Variants in CALHM6 observed in about 807,000 individuals in gnomAD.
The protein encoded by CALHM6 is calcium homeostasis modulator protein 6.
CALHM6 carries 15 observed loss-of-function variants against 12.7 expected under a neutral mutation model. The ratio of observed to expected loss-of-function variants is 1.18; its 90% CI spans 0.79 to 1.82. CALHM6 has a LOEUF of 1.82. CALHM6 is among the 40% of genes most tolerant of loss of function. The pLI, the probability that CALHM6 is intolerant of heterozygous loss-of-function variation, is 0.00. For missense variants in CALHM6, 434 were observed against 421.0 expected (o/e 1.03, Z -0.27); for synonymous variants, 212 against 193.7 (o/e 1.09, Z -0.78).
At chr6:116,462,970 G>C (rs564958775) in intron 2 of CALHM6, among the ~76,000 whole-genome samples, 221 of 152,284 alleles carry the variant, frequency 1.5e-3, no homozygotes, top group Admixed American at 3.1e-3. Context: ...AAGCTCAGAG[G>C]TTCTTTAAAA....
rs1784781358 is a variant in CALHM6, at chr6:116,462,050, T to C, written c.121T>C (p.Cys41Arg). The C allele has an allele frequency of 1.3e-6, 2 of 1,548,230 alleles. No homozygotes were observed. Among genetic ancestry groups the C allele is most frequent in the Non-Finnish European group, 8.7e-7 (1 of 1,146,402 alleles). Residue 41 changes from cysteine (C) to arginine (R), a missense_variant, in exon 2 of 3, where the codon TGC (cysteine) becomes CGC (arginine). Transcript: ENST00000368605. ...ERIFSAVAFQCPCSAAWNLPY... is the reference protein window; with the variant it reads ...ERIFSAVAFQRPCSAAWNLPY... Reference sequence around the variant, plus strand: ...CATCTTCTCCGCCGTGGCATTCCAGTGCCCGTGCAGCGCCGCCTGGAACCT... The same window carrying C: ...CATCTTCTCCGCCGTGGCATTCCAGCGCCCGTGCAGCGCCGCCTGGAACCT...
intron 1 of CALHM6, 95 bp downstream of exon 1, chr6:116,461,524 G>A (rs1784768381): frequency 1.0e-5 from 13 of 1,250,050 alleles, no homozygotes; most frequent in Middle Eastern, 1.8e-4. Flanking sequence ...GTATTTCCCA[G>A]TTTTTCCAAC....
In CALHM6 at chr6:116,462,416, GTGCAGGACCTCC is replaced by G; in HGVS notation, c.490_501del (p.Gln164_Leu167del). 6.7e-7 allele frequency: 1 copy of G among 1,500,754 alleles called. No individual in the cohort carries two copies. Among genetic ancestry groups the G allele is most frequent in the Non-Finnish European group, 8.9e-7 (1 of 1,125,780 alleles). The allele number at this position is 1,500,754 out of a possible 1,614,324, so 93.0% of individuals were successfully genotyped here. A position where few individuals can be genotyped will look rare whatever the true frequency, so the allele number is the denominator to read the frequency against. Reference sequence around the variant, plus strand: ...GTGCAACCAGGCCAAGGCGTCGGACGTGCAGGACCTCCTGAAGGATCTGAAGGCTCAGTCGCA... The same window carrying G: ...GTGCAACCAGGCCAAGGCGTCGGACGTGAAGGATCTGAAGGCTCAGTCGCA... On this transcript the variant is annotated inframe_deletion, in exon 2 of 3. Transcript: ENST00000368605.
intron 2 of CALHM6, 105 bp downstream of exon 2, chr6:116,462,559 T>G: frequency 1.5e-6 from 1 of 677,610 alleles, no homozygotes. Flanking sequence ...AGATATACAG[T>G]ACCCTAAGAA....
chr6:116,461,791 T>TAA (rs1562326003), intron 1 of CALHM6, 81 bp from the exon 2 acceptor site: 173 of 540,732 alleles, frequency 3.2e-4, no homozygotes, highest in Non-Finnish European at 4.0e-4. Context: ...CCTCTTCCCT[T>TAA]TAAAAAAAAA....
At position 116,463,285 on chromosome 6, in the gene CALHM6, G is replaced by A. The variant is rs1198612052; in HGVS notation, c.528G>A (p.Val176=). 1 of 1,608,846 alleles carries A rather than the reference G, an allele frequency of 6.2e-7. No homozygotes were observed. The highest frequency in any genetic ancestry group is 1.3e-5 in the African/African-American group (1 of 74,684). ...LLKDLKAQSQ[V]LGWILIAVVI... ...CTATTTTGTTGTGTTTTCTTAAGGT[G>A]TTGGGCTGGATCTTGATAGCAGTTG... is the stretch of plus-strand genomic sequence containing the variant. Residue 176 remains valine (V), a splice_region_variant and synonymous_variant, in exon 3 of 3, where the codon GTG becomes GTA. Transcript: ENST00000368605.
intron 1 of CALHM6, 92 bp from the exon 2 acceptor site, chr6:116,461,780 C>A: frequency 2.1e-6 from 2 of 945,570 alleles, no homozygotes; most frequent in Non-Finnish European, 2.9e-6. Context: ...GTCTGAGAAG[C>A]CCTCTTCCCT....
At position 116,463,495 on chromosome 6, in the gene CALHM6, A is replaced by T. The variant is rs780578426; in HGVS notation, c.738A>T (p.Pro246=). 13 of 1,614,102 alleles carry T rather than the reference A, an allele frequency of 8.1e-6. No homozygotes were observed. Among genetic ancestry groups the T allele is most frequent in the Non-Finnish European group, 1.1e-5 (13 of 1,180,044 alleles). ...NIKCFFEGSH[P]KEYNTPSMKE... is the part of the protein sequence containing the mutation. ...AATGTTTCTTTGAGGGCTCGCATCC[A>T]AAAGAATATAACACTCCAAGCATGA... Residue 246 remains proline (P), a synonymous_variant, in exon 3 of 3, where the codon CCA becomes CCT. Transcript: ENST00000368605.
Position 116,463,628 on chromosome 6 carries a change from T to G in CALHM6, c.871T>G (p.Ser291Ala). ...AAAAGAGAAGACTCACAGTATCAGG[T>G]CTACTGAAGGAGATACGGTGATTCC... ...NRKEKTHSIR[S>A]TEGDTVIPVL... Residue 291 changes from serine to alanine, a missense_variant, in exon 3 of 3, where the codon TCT becomes GCT. Transcript: ENST00000368605. 1.2e-6 allele frequency: 2 copies of G among 1,614,102 alleles called. No homozygotes were observed. The highest frequency in any genetic ancestry group is 1.7e-6 in the Non-Finnish European group (2 of 1,179,982).
Position 116,462,055 on chromosome 6 carries a change from G to A in CALHM6, c.126G>A (p.Pro42=), listed in dbSNP as rs778850700. 1.3e-6 allele frequency: 2 copies of A among 1,547,876 alleles called. No homozygotes were observed. The highest frequency in any genetic ancestry group is 1.7e-6 in the Non-Finnish European group (2 of 1,146,276). ...RIFSAVAFQC[P]CSAAWNLPYG... ...TCTCCGCCGTGGCATTCCAGTGCCCGTGCAGCGCCGCCTGGAACCTGCCCT... is the reference window on the plus strand; with the variant it reads ...TCTCCGCCGTGGCATTCCAGTGCCCATGCAGCGCCGCCTGGAACCTGCCCT... The change falls in exon 2 of 3, where the codon CCG becomes CCA. Residue 42 remains proline, a synonymous_variant. Transcript: ENST00000368605.
At chr6:116,463,242 A>C in intron 2 of CALHM6, 41 bp from the exon 3 acceptor site, 1 of 1,541,348 alleles carries the variant, frequency 6.5e-7, no homozygotes, top group Admixed American at 2.1e-5. Context: ...TCTTGTAAAA[A>C]ACCAAGTAAC....
chr6:116,463,764 C>T lies in CALHM6; in HGVS notation c.*59C>T. ...AATTATTGCTTTATTAAAAAATAAA[C>T]ATTGGTATTTTTTGAGTGCTTTTTT... On this transcript the variant is annotated 3_prime_UTR_variant, in exon 3 of 3. Transcript: ENST00000368605. The T allele has an allele frequency of 1.5e-6, 2 of 1,347,256 alleles. No individual in the cohort carries two copies. Among genetic ancestry groups the T allele is most frequent in the Non-Finnish European group, 2.0e-6 (2 of 1,002,804 alleles). 83.5% of individuals were successfully genotyped at this position (1,347,256 alleles called of 1,614,324 possible). A position where few individuals can be genotyped will look rare whatever the true frequency, so the allele number is the denominator to read the frequency against.
chr6:116,462,543 T>C (rs1784802492), intron 2 of CALHM6, 89 bp downstream of exon 2: 3 of 899,648 alleles, frequency 3.3e-6, no homozygotes, highest in Non-Finnish European at 4.9e-6. Flanking sequence ...TCGGTGACTT[T>C]TCTCCAGATA....
At position 116,462,107 on chromosome 6, in the gene CALHM6, G is replaced by C; in HGVS notation, c.178G>C (p.Ala60Pro). The C allele has an allele frequency of 6.5e-7, 1 of 1,542,176 alleles. No individual in the cohort carries two copies. The change falls in exon 2 of 3, where the codon GCG becomes CCG. Residue 60 changes from alanine (A) to proline (P), a missense_variant. Ala to Pro is a conservative substitution (Grantham distance 27). Coordinates refer to ENST00000368605, the MANE Select transcript of CALHM6 (RefSeq NM_001010919.3). ...CGGCCTGGTCTTCTTGCTGGTGCCG[G>C]CGCTCGCGCTCTTCCTCCTGGGCTA... ...PYGLVFLLVP[A>P]LALFLLGYVL... is the part of the protein sequence containing the mutation.
intron 1 of CALHM6, among the ~76,000 whole-genome samples, 181 bp downstream of exon 1, chr6:116,461,610 T>C (rs1320811655): frequency 6.6e-6 from 1 of 151,912 alleles, no homozygotes; most frequent in Non-Finnish European, 1.5e-5. Context: ...AAGGTCAACC[T>C]TCTGTCAGAG....
At position 116,463,345 on chromosome 6, in the gene CALHM6, C is replaced by A. The variant is rs1301538106; in HGVS notation, c.588C>A (p.Thr196=). The A allele has an allele frequency of 1.9e-6, 3 of 1,613,900 alleles. No individual in the cohort carries two copies. The African/African-American group carries it at 4.0e-5, about 22-fold the overall frequency. ...IIILLIFTSV[T]RCLSPVSFLQ... is the part of the protein sequence containing the mutation. ...TTCTTCTGATTTTTACATCTGTCAC[C>A]CGATGCCTATCTCCAGTTAGTTTTC... is the stretch of plus-strand genomic sequence containing the variant. Residue 196 remains threonine, a synonymous_variant, in exon 3 of 3, where the codon ACC becomes ACA. Transcript: ENST00000368605.
chr6:116,461,478 T>C, intron 1 of CALHM6, 49 bp downstream of exon 1: 1 of 1,516,470 alleles, frequency 6.6e-7, no homozygotes, highest in Non-Finnish European at 9.0e-7. Flanking sequence ...GTGATCTGGC[T>C]TAGTAACTAG....
In CALHM6 at chr6:116,461,947, G is replaced by C; in HGVS notation, c.18G>C (p.Ala6=). MEKFR[A]VLDLHVKHHS... is the part of the protein sequence containing the mutation. ...CGAGGCTCATGGAGAAGTTTCGGGC[G>C]GTGCTGGACCTGCACGTCAAGCACC... is the stretch of plus-strand genomic sequence containing the variant. Residue 6 remains alanine (A), a synonymous_variant, in exon 2 of 3, where the codon GCG becomes GCC. Coordinates refer to ENST00000368605, the MANE Select transcript of CALHM6 (RefSeq NM_001010919.3). 6.6e-7 allele frequency: 1 copy of C among 1,519,486 alleles called. No individual in the cohort carries two copies. The highest frequency in any genetic ancestry group is 8.9e-7 in the Non-Finnish European group (1 of 1,127,306). 94.1% of individuals were successfully genotyped at this position (1,519,486 alleles called of 1,614,324 possible). A position where few individuals can be genotyped will look rare whatever the true frequency, so the allele number is the denominator to read the frequency against.
chr6:116,461,792 T>TA (rs4031591), intron 1 of CALHM6, 80 bp from the exon 2 acceptor site: 96,609 of 738,810 alleles, frequency 0.13, 415 homozygotes, highest in East Asian at 0.18. Context: ...CTCTTCCCTT[T>TA]AAAAAAAAAA....
Sources: gnomAD v4.1 joint callset for allele counts (sites outside exome capture counted in the v4.1 genomes callset) on GRCh38, gnomAD v4.1.1 for gene constraint, MANE v1.5 for transcripts, NCBI Gene and HGNC (gene_info 2026-07-23, HGNC 2026-07-21) for gene names.